The following NXN variants were observed in gnomAD, a reference collection of about 807,000 sequenced individuals.
NXN encodes nucleoredoxin, also known as nucleoredoxin 1.
In NXN, 16 loss-of-function variants were observed where a neutral mutation model predicts 48.6. That is an observed-to-expected ratio of 0.33 (90% CI 0.22 to 0.50). NXN has a LOEUF of 0.50. NXN is among the 20% of genes least tolerant of loss of function. The pLI is 0.98. For synonymous variants in NXN, 281 were observed against 269.6 expected, an observed-to-expected ratio of 1.04 and a Z score of -0.41; for missense variants, 492 against 605.5, an observed-to-expected ratio of 0.81 and a Z score of 1.97.
chr17:964,801 G>GAAAAA, intron 1 of NXN, among the ~76,000 whole-genome samples: 1 of 152,322 alleles, frequency 6.6e-6, no homozygotes, highest in East Asian at 1.9e-4. Flanking sequence ...ACATCTATCA[G>GAAAAA]CACAAGGACA....
intron 1 of NXN, among the ~76,000 whole-genome samples, chr17:940,600 C>A (rs117675455): frequency 2.0e-5 from 3 of 152,240 alleles, no homozygotes; most frequent in Non-Finnish European, 4.4e-5. Context: ...AACAGCCCAG[C>A]GGGCTTTGCA....
intron 1 of NXN, among the ~76,000 whole-genome samples, chr17:829,744 A>G (rs556983872): frequency 3.9e-5 from 6 of 152,164 alleles, no homozygotes; most frequent in Admixed American, 1.3e-4. Flanking sequence ...TTGCTGTGTT[A>G]GTTTGCTGAG....
intron 1 of NXN, among the ~76,000 whole-genome samples, chr17:974,719 A>G (rs1283017009): frequency 6.6e-6 from 1 of 152,126 alleles, no homozygotes; most frequent in Non-Finnish European, 1.5e-5. Flanking sequence ...AGACTGCCTT[A>G]TTATGCAGAG....
intron 1 of NXN, among the ~76,000 whole-genome samples, chr17:904,318 C>T (rs974960496): frequency 3.3e-5 from 5 of 151,994 alleles, no homozygotes; most frequent in East Asian, 1.9e-4. Context: ...TTCCATCCGA[C>T]AGACTGGCCC....
intron 1 of NXN, among the ~76,000 whole-genome samples, chr17:836,483 C>T (rs1355022357): frequency 1.3e-5 from 2 of 152,164 alleles, no homozygotes; most frequent in Non-Finnish European, 2.9e-5. Context: ...TGCTCTCACC[C>T]TTTCTAACCC....
intron 1 of NXN, among the ~76,000 whole-genome samples, chr17:944,831 A>T (rs947986994): frequency 6.6e-6 from 1 of 152,164 alleles, no homozygotes; most frequent in Admixed American, 6.5e-5. Flanking sequence ...AATCGTGGCC[A>T]ACGGGGTCAG....
At position 841,430 on chromosome 17, in the gene NXN, A is replaced by ACC. The variant is rs1567827431; in HGVS notation, c.361-15353_361-15352insGG. 1.3e-3 allele frequency among the ~76,000 whole-genome samples: 138 copies of ACC among 104,628 alleles called. 12 individuals carry two copies. Among genetic ancestry groups the ACC allele is most frequent in the Non-Finnish European group, 1.8e-3 (81 of 44,476 alleles). 68.6% of individuals were successfully genotyped at this position (104,628 alleles called of 152,430 possible). A position where few individuals can be genotyped will look rare whatever the true frequency, so the allele number is the denominator to read the frequency against. ...CCCCCCTGACCACGGCGCATCTCAC[A>ACC]CGGGCGAGCAGGTCCCCCTGACCAC... On this transcript the variant is annotated intron_variant, in intron 1 of 7. Transcript: ENST00000336868.
intron 1 of NXN, among the ~76,000 whole-genome samples, chr17:853,570 G>C (rs2067948079): frequency 6.6e-6 from 1 of 151,730 alleles, no homozygotes. Flanking sequence ...GCAGATATGA[G>C]GTCAAACATC....
At position 849,578 on chromosome 17, in the gene NXN, C is replaced by G. The variant is rs888462889; in HGVS notation, c.361-23500G>C. On this transcript the variant is annotated intron_variant, in intron 1 of 7. Coordinates refer to ENST00000336868, the MANE Select transcript of NXN (RefSeq NM_022463.5). The surrounding 1 kb of genome is among the most constrained non-coding windows in gnomAD (Gnocchi z 4.2). ...CTAGGAGCAGGCTCCAGGAGGGCAC[C>G]GCACTGGCCCTCTCAGCCTCAGGGG... 6.6e-6 allele frequency among the ~76,000 whole-genome samples: 1 copy of G among 152,130 alleles called. No individual in the cohort carries two copies. Among genetic ancestry groups the G allele is most frequent in the African/African-American group, 2.4e-5 (1 of 41,440 alleles).
intron 1 of NXN, among the ~76,000 whole-genome samples, chr17:950,124 A>T (rs1475549196): frequency 1.3e-5 from 2 of 152,196 alleles, no homozygotes; most frequent in East Asian, 3.8e-4. Flanking sequence ...GTGCCCTGTG[A>T]ATACACATCC....
At chr17:817,498 T>C (rs565209213) in intron 5 of NXN, among the ~76,000 whole-genome samples, 8 of 151,926 alleles carry the variant, frequency 5.3e-5, no homozygotes, top group African/African-American at 1.4e-4. Flanking sequence ...TGAAACCCCA[T>C]CTCTACTAAA....
intron 1 of NXN, among the ~76,000 whole-genome samples, chr17:946,437 G>A (rs2150611781): frequency 6.6e-6 from 1 of 152,338 alleles, no homozygotes; most frequent in East Asian, 1.9e-4. Context: ...AAAGTGCTGG[G>A]ATAACAGGCG....
Position 856,505 on chromosome 17 carries a change from T to TTTTTTG in NXN, c.361-30428_361-30427insCAAAAA, listed in dbSNP as rs1490959130. Among the ~76,000 whole-genome samples, 926 of 138,456 alleles carry TTTTTTG rather than the reference T, an allele frequency of 6.7e-3. 3 individuals are homozygous for TTTTTTG. The highest frequency in any genetic ancestry group is 0.027 in the East Asian group (131 of 4,910). 90.8% of individuals were successfully genotyped at this position (138,456 alleles called of 152,430 possible). A position where few individuals can be genotyped will look rare whatever the true frequency, so the allele number is the denominator to read the frequency against. On this transcript the variant is annotated intron_variant, in intron 1 of 7. Transcript: ENST00000336868. ...TACTTGTCTTTTTTTTTTTTTTTTT[T>TTTTTTG]TTTGAGACTGAGTCTTGCTCTGTCG... is the stretch of plus-strand genomic sequence containing the variant.
Position 958,674 on chromosome 17 carries a change from G to C in NXN, c.360+20645C>G, listed in dbSNP as rs1350613929. On this transcript the variant is annotated intron_variant, in intron 1 of 7. Transcript: ENST00000336868. This position sits in a 1 kb window ranked among gnomAD's most constrained non-coding sequence, Gnocchi z 6.9. ...TAGTCCCAGCTACTCAGGAGGCTGA[G>C]GCAGGAGAATCACCGAGGCGGAGGT... is the stretch of plus-strand genomic sequence containing the variant. Among the ~76,000 whole-genome samples the C allele has an allele frequency of 6.6e-6, 1 of 152,184 alleles. No individual in the cohort carries two copies. Among genetic ancestry groups the C allele is most frequent in the Non-Finnish European group, 1.5e-5 (1 of 68,038 alleles).
intron 1 of NXN, among the ~76,000 whole-genome samples, chr17:881,008 C>G (rs758408952): frequency 5.2e-4 from 79 of 152,122 alleles, no homozygotes; most frequent in Non-Finnish European, 1.6e-4. Context: ...GGTAGCTGAG[C>G]CGTGGCCCAG....
intron 1 of NXN, among the ~76,000 whole-genome samples, chr17:910,480 G>GAT (rs1597234114): frequency 6.6e-6 from 1 of 151,888 alleles, no homozygotes; most frequent in Admixed American, 6.6e-5. Context: ...AATGCTGTAG[G>GAT]ATATATATTT....
At chr17:977,877 G>T (rs905491895) in intron 1 of NXN, among the ~76,000 whole-genome samples, 1 of 152,166 alleles carries the variant, frequency 6.6e-6, no homozygotes, top group Non-Finnish European at 1.5e-5. Flanking sequence ...ATCAAAATGG[G>T]CAAAATAACC....
At chr17:928,950 A>G (rs1315169060) in intron 1 of NXN, among the ~76,000 whole-genome samples, 1 of 152,232 alleles carries the variant, frequency 6.6e-6, no homozygotes, top group East Asian at 1.9e-4. Context: ...TATAAATGCA[A>G]TACACATCAT....
At chr17:940,718 C>T (rs1477120317) in intron 1 of NXN, among the ~76,000 whole-genome samples, 1 of 151,168 alleles carries the variant, frequency 6.6e-6, no homozygotes, top group Non-Finnish European at 1.5e-5. Flanking sequence ...CACCAAACAC[C>T]TTCCTGGATT....
Sources: gnomAD v4.1 joint callset for allele counts (sites outside exome capture counted in the v4.1 genomes callset) on GRCh38, gnomAD v4.1.1 for gene constraint, Gnocchi (gnomAD v3.1) non-coding constraint, MANE v1.5 for transcripts, NCBI Gene and HGNC (gene_info 2026-07-23, HGNC 2026-07-21) for gene names.